Variants in BRINP3 observed in about 807,000 individuals in gnomAD.
BRINP3 encodes the protein BMP/retinoic acid inducible neural specific 3, also known as BMP/retinoic acid-inducible neural-specific protein 3.
In BRINP3, 19 loss-of-function variants were observed where a neutral mutation model predicts 71.0. The observed-to-expected ratio is 0.27, with a 90% CI of 0.19 to 0.39. BRINP3 has a LOEUF of 0.39. BRINP3 is among the 10% of genes least tolerant of loss of function. The probability of loss-of-function intolerance (pLI) is 1.00; values close to 1 mark genes in which losing one functional copy is unlikely to be tolerated. For synonymous variants in BRINP3, 380 were observed against 337.7 expected (o/e 1.13, Z -1.37); for missense variants, 959 against 940.8 (o/e 1.02, Z -0.25).
intron 7 of BRINP3, among the ~76,000 whole-genome samples, chr1:190,155,419 C>T (rs572980893): frequency 1.3e-5 from 2 of 152,134 alleles, no homozygotes; most frequent in South Asian, 2.1e-4. Flanking sequence ...TGGTAGTGAA[C>T]AAAAATTGTT....
chr1:190,224,377 G>A (rs1331926998), intron 6 of BRINP3, among the ~76,000 whole-genome samples: 6 of 151,426 alleles, frequency 4.0e-5, no homozygotes, highest in Non-Finnish European at 7.4e-5. Flanking sequence ...CTACACATAC[G>A]TTGGGGAAAA....
At chr1:190,327,175 C>T (rs189906355) in intron 2 of BRINP3, among the ~76,000 whole-genome samples, 45 of 150,646 alleles carry the variant, frequency 3.0e-4, no homozygotes, top group Non-Finnish European at 4.4e-5. Flanking sequence ...ATTAGACAGG[C>T]GTTTTGTTGG....
At chr1:190,133,387 A>C (rs1654703738) in intron 7 of BRINP3, among the ~76,000 whole-genome samples, 1 of 152,046 alleles carries the variant, frequency 6.6e-6, no homozygotes, top group African/African-American at 2.4e-5. Context: ...ATAACTTAAG[A>C]ATTTTACTTC....
chr1:190,114,457 T>C (rs1652960160), intron 7 of BRINP3, among the ~76,000 whole-genome samples: 1 of 152,136 alleles, frequency 6.6e-6, no homozygotes, highest in South Asian at 2.1e-4. Context: ...TCAGACTTTA[T>C]AGTAGTATTA....
chr1:190,340,732 G>A (rs1667600670), intron 2 of BRINP3, among the ~76,000 whole-genome samples: 1 of 150,580 alleles, frequency 6.6e-6, no homozygotes, highest in African/African-American at 2.4e-5. Context: ...AATCTCATAG[G>A]CCCTGTCAAA....
At chr1:190,109,835 CT>C (rs1477767572) in intron 7 of BRINP3, among the ~76,000 whole-genome samples, 1 of 152,214 alleles carries the variant, frequency 6.6e-6, no homozygotes, top group African/African-American at 2.4e-5. Context: ...GTTCTCAGGC[CT>C]TCAGCCTCAG....
At chr1:190,313,992 T>C (rs1312662891) in intron 2 of BRINP3, among the ~76,000 whole-genome samples, 2 of 152,076 alleles carry the variant, frequency 1.3e-5, no homozygotes, top group Non-Finnish European at 2.9e-5. Context: ...AAATAAAATA[T>C]GGCTGAAAGA....
chr1:190,183,968 T>C (rs2102545488), intron 6 of BRINP3, among the ~76,000 whole-genome samples: 1 of 152,242 alleles, frequency 6.6e-6, no homozygotes, highest in East Asian at 1.9e-4. Flanking sequence ...CCTGATTCTG[T>C]GCCTAGAGAG....
At chr1:190,371,055 C>A (rs1195713875) in intron 2 of BRINP3, among the ~76,000 whole-genome samples, 1 of 151,914 alleles carries the variant, frequency 6.6e-6, no homozygotes, top group African/African-American at 2.4e-5. Flanking sequence ...GAATTGAATT[C>A]CTTATATATT....
intron 6 of BRINP3, among the ~76,000 whole-genome samples, chr1:190,179,501 C>T (rs778437361): frequency 2.0e-5 from 3 of 152,028 alleles, no homozygotes; most frequent in Non-Finnish European, 2.9e-5. Flanking sequence ...TTTTGTCAAC[C>T]GAGGTCTTGA....
chr1:190,207,481 AG>A (rs1655612639), intron 6 of BRINP3, among the ~76,000 whole-genome samples: 2 of 152,088 alleles, frequency 1.3e-5, no homozygotes. Flanking sequence ...TGCCAACAGC[AG>A]GGTTATTTTT....
At chr1:190,177,013 C>T (rs1652571408) in intron 6 of BRINP3, among the ~76,000 whole-genome samples, 1 of 152,080 alleles carries the variant, frequency 6.6e-6, no homozygotes, top group Non-Finnish European at 1.5e-5. Context: ...AAATGGCCTC[C>T]CTTGCAAGTA....
intron 1 of BRINP3, among the ~76,000 whole-genome samples, chr1:190,468,523 C>G (rs569996096): frequency 6.6e-6 from 1 of 151,288 alleles, no homozygotes; most frequent in East Asian, 1.9e-4. Context: ...AAGATACATA[C>G]AAAAACCTGC....
chr1:190,438,393 C>A (rs1171854681), intron 2 of BRINP3, among the ~76,000 whole-genome samples: 2 of 151,564 alleles, frequency 1.3e-5, no homozygotes, highest in East Asian at 3.9e-4. Context: ...CTCATCACTT[C>A]TCTCGATATA....
At chr1:190,155,381 C>T (rs568483302) in intron 7 of BRINP3, among the ~76,000 whole-genome samples, 1 of 152,190 alleles carries the variant, frequency 6.6e-6, no homozygotes, top group Admixed American at 6.6e-5. Context: ...TGTTCAGTGA[C>T]ATCACATTGG....
intron 4 of BRINP3, among the ~76,000 whole-genome samples, chr1:190,239,362 A>G (rs1658834073): frequency 6.6e-6 from 1 of 152,124 alleles, no homozygotes; most frequent in Non-Finnish European, 1.5e-5. Flanking sequence ...ACAATGTTGA[A>G]GGAACAATAT....
intron 2 of BRINP3, among the ~76,000 whole-genome samples, chr1:190,406,314 A>T (rs1314390460): frequency 2.0e-5 from 3 of 152,194 alleles, no homozygotes. Context: ...TAATTTAAGA[A>T]GCTTCACAAT....
chr1:190,098,819 C>T lies in BRINP3; in HGVS notation c.1500G>A (p.Leu500=), dbSNP rs1211410775. 1.2e-6 allele frequency: 2 copies of T among 1,614,210 alleles called. No individual in the cohort carries two copies. Among genetic ancestry groups the T allele is most frequent in the South Asian group, 2.2e-5 (2 of 91,090 alleles). The change falls in exon 8 of 8, where the codon CTG becomes CTA. Residue 500 remains leucine (L), a synonymous_variant. Transcript: ENST00000367462. ...CTATTCGTCTGTCCGTTTTCTGCAG[C>T]AGATATTTCATCTCGAGATCTTGCA... ...TDLQDLEMKY[L]LQKTDRRIEV...
At chr1:190,453,078 C>T (rs1013669599) in intron 2 of BRINP3, among the ~76,000 whole-genome samples, 3 of 151,886 alleles carry the variant, frequency 2.0e-5, no homozygotes, top group African/African-American at 7.3e-5. Flanking sequence ...ATCCTAAAAT[C>T]AGGTAGCTTC....
Sources: allele counts gnomAD v4.1 joint callset (sites outside exome capture counted in the v4.1 genomes callset), GRCh38; gene constraint gnomAD v4.1.1; transcripts MANE v1.5; gene names NCBI Gene and HGNC (gene_info 2026-07-23, HGNC 2026-07-21).